TEAD1: variants seen among roughly 807,000 people sequenced by gnomAD.
TEAD1 encodes the protein TEA domain transcription factor 1.
A neutral mutation model predicts 54.9 loss-of-function variants in TEAD1; 9 were observed. That is an observed-to-expected ratio of 0.16 (90% CI 0.10 to 0.29). The LOEUF is 0.29. Ranked by LOEUF, TEAD1 falls within the 10% of genes least tolerant of loss-of-function variation. The pLI is 1.00. For synonymous variants in TEAD1, 200 were observed against 187.8 expected (o/e 1.07, Z -0.53); for missense variants, 387 against 535.9 (o/e 0.72, Z 2.74).
chr11:12,830,235 C>T (rs1946744048), intron 3 of TEAD1, among the ~76,000 whole-genome samples: 1 of 152,106 alleles, frequency 6.6e-6, no homozygotes, highest in South Asian at 2.1e-4. Context: ...GACCATGCCT[C>T]ACCTGGCAGG....
chr11:12,864,617 T>TTGTTTTGTTTTG (rs568030712), intron 4 of TEAD1: 1 of 948,956 alleles, frequency 1.1e-6, no homozygotes, highest in African/African-American at 1.8e-5. Flanking sequence ...TTGATTTCCT[T>TTGTTTTGTTTTG]TTTTGTTTTG....
At position 12,796,886 on chromosome 11, in the gene TEAD1, C is replaced by T. The variant is rs561569684; in HGVS notation, c.202+32452C>T. On this transcript the variant is annotated intron_variant, in intron 3 of 12. Coordinates refer to ENST00000527636, the MANE Select transcript of TEAD1 (RefSeq NM_021961.6). ...CAGCACTTTGGGAGGCCGAGGTGGGCGGATCACGAGGTCAGGAGATCGAGA... is the reference window on the plus strand; with the variant it reads ...CAGCACTTTGGGAGGCCGAGGTGGGTGGATCACGAGGTCAGGAGATCGAGA... Among the ~76,000 whole-genome samples the T allele has an allele frequency of 2.0e-4, 31 of 152,102 alleles. No homozygotes were observed. The South Asian group carries it at 4.2e-3, about 20-fold the overall frequency.
intron 2 of TEAD1, among the ~76,000 whole-genome samples, chr11:12,722,163 C>T (rs1944216865): frequency 6.6e-6 from 1 of 152,162 alleles, no homozygotes; most frequent in South Asian, 2.1e-4. Context: ...GAAACTATTT[C>T]CCAGGGAGTG....
At chr11:12,871,143 C>T (rs764257665) in intron 5 of TEAD1, among the ~76,000 whole-genome samples, 5 of 152,188 alleles carry the variant, frequency 3.3e-5, no homozygotes, top group Non-Finnish European at 7.4e-5. Flanking sequence ...AAAGAGGCTT[C>T]TAGGCCTATG....
chr11:12,695,017 G>A (rs936521550), intron 2 of TEAD1, among the ~76,000 whole-genome samples: 1 of 152,198 alleles, frequency 6.6e-6, no homozygotes, highest in Non-Finnish European at 1.5e-5. Flanking sequence ...TTCTATTTCA[G>A]CCTTTGTAAA....
rs534371734 is a variant in TEAD1 at position 12,925,473 on chromosome 11, G to A, written c.1014+421G>A. On this transcript the variant is annotated intron_variant, in intron 11 of 12. Coordinates refer to ENST00000527636, the MANE Select transcript of TEAD1 (RefSeq NM_021961.6). ...ACCAGGCCCCTCCTCTGACATGTGG[G>A]GATTACGATTCGAGTTGAGATTTGG... Among the ~76,000 whole-genome samples, 269 of 152,280 alleles carry A rather than the reference G, an allele frequency of 1.8e-3. 1 individual carries two copies. Among genetic ancestry groups the A allele is most frequent in the Non-Finnish European group, 2.9e-3 (198 of 68,004 alleles).
chr11:12,841,076 G>T (rs1349967617), intron 3 of TEAD1, among the ~76,000 whole-genome samples: 1 of 152,228 alleles, frequency 6.6e-6, no homozygotes, highest in Admixed American at 6.5e-5. Flanking sequence ...AGTCATGTGG[G>T]AAGTTACATT....
At chr11:12,878,383 T>C (rs1472309848) in intron 5 of TEAD1, among the ~76,000 whole-genome samples, 1 of 152,188 alleles carries the variant, frequency 6.6e-6, no homozygotes, top group Non-Finnish European at 1.5e-5. Context: ...ACTTGGTGTC[T>C]TAGCCTGAAG....
At chr11:12,894,116 T>G (rs1948257591) in intron 9 of TEAD1, among the ~76,000 whole-genome samples, 1 of 152,238 alleles carries the variant, frequency 6.6e-6, no homozygotes, top group Non-Finnish European at 1.5e-5. Context: ...TGACATGAGT[T>G]ATTTGTCTTG....
At chr11:12,766,558 G>A (rs1945211836) in intron 3 of TEAD1, among the ~76,000 whole-genome samples, 1 of 152,120 alleles carries the variant, frequency 6.6e-6, no homozygotes, top group Admixed American at 6.5e-5. Context: ...CTTCCATTTT[G>A]TGATGCTATG....
intron 3 of TEAD1, among the ~76,000 whole-genome samples, chr11:12,780,268 A>C (rs887010196): frequency 7.1e-6 from 1 of 140,938 alleles, no homozygotes; most frequent in African/African-American, 2.7e-5. Context: ...TTTGAGATGG[A>C]GTTTCGCTCT....
rs1428737476 is a variant in TEAD1, at chr11:12,938,926, T to C, written c.*1704T>C. 1 of 152,148 alleles carries C rather than the reference T, an allele frequency of 6.6e-6. No homozygotes were observed. The highest frequency in any genetic ancestry group is 2.4e-5 in the African/African-American group (1 of 41,422). 9.4% of individuals were successfully genotyped at this position (152,148 alleles called of 1,614,324 possible). A position where few individuals can be genotyped will look rare whatever the true frequency, so the allele number is the denominator to read the frequency against. On this transcript the variant is annotated 3_prime_UTR_variant, in exon 13 of 13. Coordinates refer to ENST00000527636, the MANE Select transcript of TEAD1 (RefSeq NM_021961.6). ...AAGATTTTTCCACCAAGCTAGAAAA[T>C]AAAAAACTTAGTTCTACCACATCCA...
chr11:12,705,166 C>T (rs1030664240), intron 2 of TEAD1, among the ~76,000 whole-genome samples: 1 of 152,208 alleles, frequency 6.6e-6, no homozygotes, highest in African/African-American at 2.4e-5. Context: ...GACAGAAGCA[C>T]TCAGGGAATT....
chr11:12,844,959 CTTTTTTTTTTT>C (rs3046338), intron 3 of TEAD1, among the ~76,000 whole-genome samples: 9 of 64,670 alleles, frequency 1.4e-4, no homozygotes, highest in Admixed American at 1.0e-3. Context: ...TGTATGAAAT[CTTTTTTTTTTT>C]TTTTTTTTTT....
rs1158796043 is a variant in TEAD1 at position 12,935,341 on chromosome 11, A to G, written c.1168-1768A>G. Among the ~76,000 whole-genome samples, 7 of 152,190 alleles carry G rather than the reference A, an allele frequency of 4.6e-5. No homozygotes were observed. The South Asian group carries it at 8.3e-4, about 18-fold the overall frequency. On this transcript the variant is annotated intron_variant, in intron 12 of 12. Coordinates refer to ENST00000527636, the MANE Select transcript of TEAD1 (RefSeq NM_021961.6). The stretch of plus-strand genomic sequence containing the variant: ...CCACTCCTAGAGGTCGTATGATATC[A>G]TATGAGACAATCTGTGTAAAGCATT...
rs1943813650 is a variant in TEAD1, at chr11:12,706,320, T to A, written c.-55+30759T>A. 2.0e-5 allele frequency among the ~76,000 whole-genome samples: 3 copies of A among 152,208 alleles called. No individual in the cohort carries two copies. In the South Asian group the frequency reaches 6.2e-4, roughly 32 times the overall value. Reference sequence around the variant, plus strand: ...TAAAAGAGAAGTTTCCTGTTGCACTTCTTCAGGTTTCTGGGTTAGTTTAAT... The same window carrying A: ...TAAAAGAGAAGTTTCCTGTTGCACTACTTCAGGTTTCTGGGTTAGTTTAAT... On this transcript the variant is annotated intron_variant, in intron 2 of 12. Transcript: ENST00000527636.
intron 2 of TEAD1, among the ~76,000 whole-genome samples, chr11:12,751,979 G>C (rs11022490): frequency 0.36 from 54,588 of 152,002 alleles, 10,186 homozygotes; most frequent in South Asian, 0.6. Flanking sequence ...GTTTGCTGTA[G>C]AACTTTCCTT....
chr11:12,870,595 C>T (rs1052320000), intron 5 of TEAD1, among the ~76,000 whole-genome samples: 1 of 152,078 alleles, frequency 6.6e-6, no homozygotes, highest in Non-Finnish European at 1.5e-5. Context: ...TTCAAAATAT[C>T]TAGGACAAGG....
At chr11:12,887,131 CTG>C (rs1948107577) in intron 9 of TEAD1, among the ~76,000 whole-genome samples, 1 of 132,308 alleles carries the variant, frequency 7.6e-6, no homozygotes, top group African/African-American at 3.0e-5. Context: ...GAGTCTTGCT[CTG>C]TCACTCAGGC....
Sources: gnomAD v4.1 joint callset for allele counts (sites outside exome capture counted in the v4.1 genomes callset) on GRCh38, gnomAD v4.1.1 for gene constraint, MANE v1.5 for transcripts, NCBI Gene and HGNC (gene_info 2026-07-23, HGNC 2026-07-21) for gene names.